Variants in HEPH observed in about 807,000 individuals in gnomAD.
The protein encoded by HEPH is hephaestin.
HEPH carries 69 observed loss-of-function variants against 80.8 expected under a neutral mutation model. The ratio of observed to expected loss-of-function variants is 0.85; its 90% confidence interval spans 0.70 to 1.04. The LOEUF (loss-of-function observed/expected upper bound fraction) is 1.04, where lower values mean the gene tolerates loss of function less well. Ranked by LOEUF, HEPH falls within the 50% of genes least tolerant of loss-of-function variation. The pLI, the probability that HEPH is intolerant of heterozygous loss-of-function variation, is 0.00. For synonymous variants in HEPH, 431 were observed against 322.8 expected (o/e 1.34, Z -3.60); for missense variants, 1,115 against 891.3 (o/e 1.25, Z -3.20).
At chrX:66,246,965 A>G (rs1255088633) in intron 15 of HEPH, among the ~76,000 whole-genome samples, 1 of 111,579 alleles carries the variant, frequency 9.0e-6, no homozygotes, top group African/African-American at 3.3e-5. Context: ...ATTGACGAGT[A>G]TTTTTTTCTT....
rs548937786 is a variant in HEPH at position 66,193,073 on chromosome X, C to T, written c.1233-429C>T. ...TCAGCATGGATTCTACGATTTCCAG[C>T]TGGGCTTATTAACATAGTGGGCTTT... is the stretch of plus-strand genomic sequence containing the variant. On this transcript the variant is annotated intron_variant, in intron 7 of 20. Coordinates refer to ENST00000343002, the MANE Select transcript of HEPH (RefSeq NM_001367233.3). Among the ~76,000 whole-genome samples, 17 of 110,835 alleles carry T rather than the reference C, an allele frequency of 1.5e-4. No homozygotes were observed. The South Asian group carries it at 6.5e-3, about 43-fold the overall frequency.
At chrX:66,235,234 C>A (rs1296009060) in intron 15 of HEPH, among the ~76,000 whole-genome samples, 2 of 111,814 alleles carry the variant, frequency 1.8e-5, no homozygotes, top group African/African-American at 6.5e-5. Flanking sequence ...GCTTTTGTTG[C>A]AATTACTTCC....
chrX:66,227,766 T>A (rs1213486485), intron 15 of HEPH, among the ~76,000 whole-genome samples: 1 of 111,595 alleles, frequency 9.0e-6, no homozygotes, highest in Non-Finnish European at 1.9e-5. Context: ...TGCCTTTTTT[T>A]ATACTAGTAC....
chrX:66,213,638 A>T (rs1315946512), intron 15 of HEPH, among the ~76,000 whole-genome samples: 13 of 111,895 alleles, frequency 1.2e-4, no homozygotes, highest in Admixed American at 7.6e-4. Context: ...TGCAAAGTTC[A>T]TTTGGAAAAA....
At chrX:66,176,754 GT>G (rs1332625637) in intron 4 of HEPH, among the ~76,000 whole-genome samples, 2 of 110,730 alleles carry the variant, frequency 1.8e-5, no homozygotes, top group Non-Finnish European at 3.8e-5. Flanking sequence ...GCGGTGTTTG[GT>G]TTTTTTGTCC....
Position 66,208,260 on chromosome X carries a change from C to T in HEPH, c.2563+14C>T. 2.5e-6 allele frequency: 3 copies of T among 1,198,275 alleles called. No homozygotes were observed. The highest frequency in any genetic ancestry group is 3.4e-6 in the Non-Finnish European group (3 of 889,034). ...CTGCTGAGCCTGGTGAGTGGGGACACTTAGTGAAAGAACAAAGGACATGCA... is the reference window on the plus strand; with the variant it reads ...CTGCTGAGCCTGGTGAGTGGGGACATTTAGTGAAAGAACAAAGGACATGCA... On this transcript the variant is annotated intron_variant, in intron 15 of 20. Transcript: ENST00000343002.
rs890905071 is a variant in HEPH, at chrX:66,248,447, C to T, written c.2564-6588C>T. Among the ~76,000 whole-genome samples the T allele has an allele frequency of 2.7e-5, 3 of 111,514 alleles. No individual in the cohort carries two copies. In the Admixed American group the frequency reaches 2.9e-4, roughly 11 times the overall value. On this transcript the variant is annotated intron_variant, in intron 15 of 20. Coordinates refer to ENST00000343002, the MANE Select transcript of HEPH (RefSeq NM_001367233.3). ...AACTGTCACAGTTTTGCAATTCTTGCGTTAATGTAGCTTTTATTTTACTTA... is the reference window on the plus strand; with the variant it reads ...AACTGTCACAGTTTTGCAATTCTTGTGTTAATGTAGCTTTTATTTTACTTA...
chrX:66,214,396 T>C (rs1017596123), intron 15 of HEPH, among the ~76,000 whole-genome samples: 6 of 112,155 alleles, frequency 5.3e-5, no homozygotes, highest in African/African-American at 1.9e-4. Flanking sequence ...ATTTTAGTCA[T>C]TAATCCCTTC....
chrX:66,222,784 GT>G (rs1263102319), intron 15 of HEPH, among the ~76,000 whole-genome samples: 12 of 111,964 alleles, frequency 1.1e-4, no homozygotes, highest in Middle Eastern at 4.6e-3. Flanking sequence ...GTAGAGAGCT[GT>G]CTTTGACTTG....
At chrX:66,194,608 A>T (rs772432138) in intron 8 of HEPH, among the ~76,000 whole-genome samples, 36 of 111,807 alleles carry the variant, frequency 3.2e-4, no homozygotes, top group Non-Finnish European at 6.4e-4. Context: ...AGATATCATA[A>T]TTCTCTTTGC....
chrX:66,198,680 T>C (rs1459771455), intron 10 of HEPH, among the ~76,000 whole-genome samples, 198 bp from the exon 11 acceptor site: 1 of 111,335 alleles, frequency 9.0e-6, no homozygotes, highest in Non-Finnish European at 1.9e-5. Flanking sequence ...CTTGTACTTT[T>C]ATTGTGACAT....
chrX:66,163,972 GA>G (rs1218744617), upstream of HEPH, among the ~76,000 whole-genome samples: 1 of 112,113 alleles, frequency 8.9e-6, no homozygotes. Context: ...TTGTGCTTCA[GA>G]GCAAGAAGGG....
At position 66,192,221 on chromosome X, in the gene HEPH, G is replaced by A; in HGVS notation, c.1155G>A (p.Glu385=). The A allele has an allele frequency of 8.3e-7, 1 of 1,210,849 alleles. No individual in the cohort carries two copies. Among genetic ancestry groups the A allele is most frequent in the African/African-American group, 1.7e-5 (1 of 57,817 alleles). ...GCAAAGTTCGACAGTACTTCATTGA[G>A]GCCCATGAGATTCAATGGGACTATG... ...LTGKVRQYFI[E]AHEIQWDYGP... The change falls in exon 7 of 21, where the codon GAG becomes GAA. Residue 385 remains glutamate (E), a synonymous_variant. Transcript: ENST00000343002.
chrX:66,234,108 G>A (rs1448343455), intron 15 of HEPH, among the ~76,000 whole-genome samples: 1 of 109,593 alleles, frequency 9.1e-6, no homozygotes, highest in Non-Finnish European at 1.9e-5. Flanking sequence ...TCCCTGATAT[G>A]TGTCCATGTG....
intron 15 of HEPH, among the ~76,000 whole-genome samples, chrX:66,220,094 C>G (rs1469942415): frequency 9.0e-6 from 1 of 111,005 alleles, no homozygotes; most frequent in Non-Finnish European, 1.9e-5. Context: ...CAAAAGTTAT[C>G]AGGGTGATTC....
chrX:66,237,030 T>C (rs2090389628), intron 15 of HEPH, among the ~76,000 whole-genome samples: 1 of 111,509 alleles, frequency 9.0e-6, no homozygotes, highest in African/African-American at 3.3e-5. Flanking sequence ...TTAATCTAAC[T>C]AGAAGTCTAT....
intron 15 of HEPH, among the ~76,000 whole-genome samples, chrX:66,233,040 A>G (rs1184227391): frequency 9.0e-6 from 1 of 111,057 alleles, no homozygotes; most frequent in Admixed American, 9.6e-5. Flanking sequence ...CAGAAGCATG[A>G]TTATGATCTA....
At chrX:66,180,506 G>C in intron 4 of HEPH, among the ~76,000 whole-genome samples, 1 of 110,499 alleles carries the variant, frequency 9.0e-6, no homozygotes, top group Middle Eastern at 4.6e-3. Context: ...TCCTTTATAG[G>C]TGACCTGGTG....
chrX:66,216,944 T>C (rs2089424226), intron 15 of HEPH, among the ~76,000 whole-genome samples: 1 of 111,585 alleles, frequency 9.0e-6, no homozygotes, highest in African/African-American at 3.3e-5. Flanking sequence ...AGCTTCAGAA[T>C]TCAAAGACAA....
Sources: gnomAD v4.1 joint callset for allele counts (sites outside exome capture counted in the v4.1 genomes callset) on GRCh38, gnomAD v4.1.1 for gene constraint, MANE v1.5 for transcripts, NCBI Gene and HGNC (gene_info 2026-07-23, HGNC 2026-07-21) for gene names.